C9: variants seen among roughly 807,000 people sequenced by gnomAD.
The protein encoded by C9 is complement component C9.
Under a neutral mutation model 65.4 loss-of-function variants are expected in C9, and 63 were observed. The ratio of observed to expected loss-of-function variants is 0.96; its 90% CI spans 0.79 to 1.19. The LOEUF is 1.19. C9 is among the 50% of genes most tolerant of loss of function. C9 has a pLI of 0.00. For synonymous variants in C9, 229 were observed against 227.9 expected (o/e 1.00, Z -0.04); for missense variants, 744 against 670.1 (o/e 1.11, Z -1.22).
rs780641584 is a variant in C9, at chr5:39,306,608, G to A, written c.1416+9C>T. ...CAGTCTTCTGTTTGAAAATAAACACGTTTCTTACTTTTTGACTAATGAGAA... is the reference window on the plus strand; with the variant it reads ...CAGTCTTCTGTTTGAAAATAAACACATTTCTTACTTTTTGACTAATGAGAA... On this transcript the variant is annotated intron_variant, in intron 9 of 10. Coordinates refer to ENST00000263408, the MANE Select transcript of C9 (RefSeq NM_001737.5). The A allele has an allele frequency of 1.5e-5, 24 of 1,604,902 alleles. No individual in the cohort carries two copies. Among genetic ancestry groups the A allele is most frequent in the Admixed American group, 5.0e-5 (3 of 59,946 alleles).
At chr5:39,295,447 T>C (rs942851344) in intron 9 of C9, among the ~76,000 whole-genome samples, 8 of 151,558 alleles carry the variant, frequency 5.3e-5, no homozygotes, top group Admixed American at 2.6e-4. Flanking sequence ...AAAAAGTCAA[T>C]ACCATTTACA....
At chr5:39,290,504 C>T (rs1282677380) in intron 9 of C9, among the ~76,000 whole-genome samples, 1 of 151,630 alleles carries the variant, frequency 6.6e-6, no homozygotes, top group Non-Finnish European at 1.5e-5. Flanking sequence ...ACCAAAAAAA[C>T]CCCACAAATT....
chr5:39,288,917 A>G lies in C9; in HGVS notation c.1451T>C (p.Met484Thr). The G allele has an allele frequency of 6.2e-7, 1 of 1,609,234 alleles. No homozygotes were observed. The highest frequency in any genetic ancestry group is 8.5e-7 in the Non-Finnish European group (1 of 1,176,164). ...TTGTTTCTTTAGGTGTGCATTTTTC[A>G]TTTTCACTGGAACCAGATTATATAT... ...SPIYNLVPVK[M>T]KNAHLKKQNL... The change falls in exon 10 of 11, where the codon ATG (methionine) becomes ACG (threonine). Residue 484 changes from methionine (M) to threonine (T), a missense_variant. Met to Thr is a moderately conservative substitution (Grantham distance 81). Coordinates refer to ENST00000263408, the MANE Select transcript of C9 (RefSeq NM_001737.5).
At position 39,315,697 on chromosome 5, in the gene C9, T is replaced by C. The variant is rs542090983; in HGVS notation, c.870+78A>G. 1.4e-5 allele frequency: 15 copies of C among 1,080,120 alleles called. No homozygotes were observed. The East Asian group carries it at 3.2e-4, about 23-fold the overall frequency. 66.9% of individuals were successfully genotyped at this position (1,080,120 alleles called of 1,614,324 possible). On this transcript the variant is annotated intron_variant, in intron 6 of 10. Coordinates refer to ENST00000263408, the MANE Select transcript of C9 (RefSeq NM_001737.5). Reference sequence around the variant, plus strand: ...CATGTTTCTTTTCCTTTTTATGATTTCTATTTGCTCAAAATACTTAAAGAG... The same window carrying C: ...CATGTTTCTTTTCCTTTTTATGATTCCTATTTGCTCAAAATACTTAAAGAG...
chr5:39,325,885 T>A (rs552633166), intron 5 of C9, among the ~76,000 whole-genome samples: 31 of 152,184 alleles, frequency 2.0e-4, no homozygotes, highest in Non-Finnish European at 4.0e-4. Context: ...CTCCTTGTTG[T>A]AGGATAACTC....
intron 9 of C9, among the ~76,000 whole-genome samples, chr5:39,303,451 C>T (rs1463965915): frequency 2.0e-5 from 3 of 151,288 alleles, no homozygotes; most frequent in Admixed American, 1.3e-4. Flanking sequence ...CAGAGCATGG[C>T]TATAGTTACT....
Position 39,315,772 on chromosome 5 carries a change from T to G in C9, c.870+3A>C, listed in dbSNP as rs1237499405. ...TATTCCTATATTAACTGTTTTGTCT[T>G]ACCTTCTTTGAAGAATATGACAAAA... On this transcript the variant is annotated splice_donor_region_variant and intron_variant, in intron 6 of 10. Transcript: ENST00000263408. 1 of 1,591,710 alleles carries G rather than the reference T, an allele frequency of 6.3e-7. No homozygotes were observed. Among genetic ancestry groups the G allele is most frequent in the Admixed American group, 1.7e-5 (1 of 59,726 alleles).
intron 9 of C9, among the ~76,000 whole-genome samples, chr5:39,301,634 T>G (rs911763838): frequency 7.9e-5 from 12 of 152,232 alleles, no homozygotes; most frequent in African/African-American, 2.6e-4. Flanking sequence ...TATTACTATC[T>G]GCACTATTTG....
intron 9 of C9, among the ~76,000 whole-genome samples, chr5:39,293,068 G>A (rs927171341): frequency 3.3e-5 from 5 of 151,706 alleles, no homozygotes; most frequent in South Asian, 2.1e-4. Context: ...TGGTTGGAAG[G>A]CCAGGGGGTC....
At chr5:39,306,227 G>A (rs1753373576) in intron 9 of C9, among the ~76,000 whole-genome samples, 2 of 151,652 alleles carry the variant, frequency 1.3e-5, no homozygotes, top group African/African-American at 4.8e-5. Flanking sequence ...CGTGATAGTG[G>A]AACACCACGG....
chr5:39,351,289 T>C (rs920951765), intron 1 of C9, among the ~76,000 whole-genome samples: 1 of 152,212 alleles, frequency 6.6e-6, no homozygotes, highest in Non-Finnish European at 1.5e-5. Flanking sequence ...TGGAAGGGGC[T>C]ACCACAAAGG....
chr5:39,307,182 A>G (rs1168230730), intron 8 of C9, among the ~76,000 whole-genome samples: 1 of 152,166 alleles, frequency 6.6e-6, no homozygotes, highest in African/African-American at 2.4e-5. Context: ...ATATGTTTTA[A>G]TATTACAAAA....
At chr5:39,325,240 T>C (rs261753) in intron 5 of C9, among the ~76,000 whole-genome samples, 127,357 of 152,204 alleles carry the variant, frequency 0.84, 53,891 homozygotes, top group African/African-American at 0.95. Context: ...ATTGTAACCT[T>C]TTGAGGCACC....
intron 5 of C9, among the ~76,000 whole-genome samples, chr5:39,319,527 G>T (rs994230889): frequency 6.6e-6 from 1 of 152,078 alleles, no homozygotes; most frequent in Non-Finnish European, 1.5e-5. Context: ...GTCAGCACCC[G>T]TACACCTCAG....
intron 2 of C9, 88 bp downstream of exon 2, chr5:39,342,003 C>T: frequency 1.2e-6 from 1 of 834,828 alleles, no homozygotes; most frequent in Non-Finnish European, 2.1e-6. Context: ...AGTTGTGGGG[C>T]TCCCTGCCTC....
chr5:39,299,239 A>G (rs1753240013), intron 9 of C9, among the ~76,000 whole-genome samples: 1 of 152,086 alleles, frequency 6.6e-6, no homozygotes, highest in Non-Finnish European at 1.5e-5. Flanking sequence ...TCTGGTGGTA[A>G]TGCAACTACT....
chr5:39,350,899 ACT>A (rs1445160587), intron 1 of C9, among the ~76,000 whole-genome samples: 1 of 151,878 alleles, frequency 6.6e-6, no homozygotes, highest in African/African-American at 2.4e-5. Context: ...CCCAGTAGGG[ACT>A]CTGTGCAGGG....
intron 5 of C9, among the ~76,000 whole-genome samples, chr5:39,328,762 G>C (rs1380062550): frequency 6.6e-6 from 1 of 152,154 alleles, no homozygotes; most frequent in African/African-American, 2.4e-5. Flanking sequence ...AGACAACTGT[G>C]ATAAGATGAG....
chr5:39,354,340 T>C (rs539206046), intron 1 of C9, among the ~76,000 whole-genome samples: 1 of 152,326 alleles, frequency 6.6e-6, no homozygotes, highest in Non-Finnish European at 1.5e-5. Flanking sequence ...AATCCTTAGA[T>C]ATTAAAAATA....
Sources: gnomAD v4.1 joint callset for allele counts (sites outside exome capture counted in the v4.1 genomes callset) on GRCh38, gnomAD v4.1.1 for gene constraint, MANE v1.5 for transcripts, NCBI Gene and HGNC (gene_info 2026-07-23, HGNC 2026-07-21) for gene names.